The following CAMKMT variants were observed in gnomAD, a reference collection of about 807,000 sequenced individuals.
CAMKMT encodes calmodulin-lysine N-methyltransferase, also known as CaM KMT.
A neutral mutation model predicts 48.0 loss-of-function variants in CAMKMT; 53 were observed. The observed-to-expected ratio is 1.10, with a 90% CI of 0.89 to 1.39. The LOEUF (loss-of-function observed/expected upper bound fraction) is 1.39. CAMKMT is among the 40% of genes most tolerant of loss of function. The pLI, the probability that CAMKMT is intolerant of heterozygous loss-of-function variation, is 0.00. For synonymous variants in CAMKMT, 165 were observed against 152.3 expected (o/e 1.08, Z -0.61); for missense variants, 428 against 402.7 (o/e 1.06, Z -0.54).
intron 3 of CAMKMT, among the ~76,000 whole-genome samples, chr2:44,587,269 T>G (rs548322544): frequency 2.2e-3 from 334 of 152,342 alleles, no homozygotes; most frequent in African/African-American, 7.5e-3. Context: ...TTCTAATCAA[T>G]GGACATGGCA....
rs558087990 is a variant in CAMKMT, at chr2:44,655,850, C to T, written c.377-48433C>T. The stretch of plus-strand genomic sequence containing the variant: ...TATCTTTTTGCATTCAATTTAATGG[C>T]CTTGGAATCTGGAGAAGCCAGTAGG... On this transcript the variant is annotated intron_variant, in intron 3 of 10. Coordinates refer to ENST00000378494, the MANE Select transcript of CAMKMT (RefSeq NM_024766.5). 7.2e-5 allele frequency among the ~76,000 whole-genome samples: 11 copies of T among 152,202 alleles called. No individual in the cohort carries two copies. In the South Asian group the frequency reaches 2.3e-3, roughly 32 times the overall value.
intron 3 of CAMKMT, among the ~76,000 whole-genome samples, chr2:44,626,177 T>C (rs1198922616): frequency 6.6e-6 from 1 of 152,192 alleles, no homozygotes; most frequent in Non-Finnish European, 1.5e-5. Context: ...CTCCATTTAT[T>C]TAGGTCTTCT....
chr2:44,560,602 A>G (rs1558703493), intron 3 of CAMKMT, among the ~76,000 whole-genome samples: 4 of 152,152 alleles, frequency 2.6e-5, no homozygotes. Flanking sequence ...AGACTGATTG[A>G]CCAGTCTAAA....
chr2:44,686,970 G>A (rs1676372496), intron 3 of CAMKMT, among the ~76,000 whole-genome samples: 1 of 152,186 alleles, frequency 6.6e-6, no homozygotes, highest in Non-Finnish European at 1.5e-5. Flanking sequence ...TATTAAGCTT[G>A]CTGCATGGTG....
chr2:44,362,092 G>T lies in CAMKMT; in HGVS notation c.85G>T (p.Gly29Trp). The T allele has an allele frequency of 1.4e-6, 2 of 1,462,846 alleles. No homozygotes were observed. Among genetic ancestry groups the T allele is most frequent in the Non-Finnish European group, 8.9e-7 (1 of 1,118,056 alleles). 90.6% of individuals were successfully genotyped at this position (1,462,846 alleles called of 1,614,324 possible). ...TCCGGCAGTTGGCTGCACCACTCGG[G>T]GGCCCGTAGTCTCGGCGCCCCTGGG... Reference protein sequence around the residue: ...GSPAVGCTTRGPVVSAPLGAA... With the variant: ...GSPAVGCTTRWPVVSAPLGAA... Residue 29 changes from glycine (G) to tryptophan (W), a missense_variant, in exon 1 of 11, where the codon GGG becomes TGG. By Grantham distance (184) the Gly-to-Trp change is radical. Coordinates refer to ENST00000378494, the MANE Select transcript of CAMKMT (RefSeq NM_024766.5).
chr2:44,544,073 G>A (rs1043518926), intron 3 of CAMKMT, among the ~76,000 whole-genome samples: 2 of 152,008 alleles, frequency 1.3e-5, no homozygotes, highest in African/African-American at 2.4e-5. Context: ...TGAAAAAGAC[G>A]TTTTTGAGTA....
chr2:44,377,282 C>T (rs1048822387), intron 2 of CAMKMT, among the ~76,000 whole-genome samples: 3 of 152,166 alleles, frequency 2.0e-5, no homozygotes, highest in Non-Finnish European at 4.4e-5. Flanking sequence ...GCTGGGATTA[C>T]AGGCGTAAGC....
At chr2:44,752,171 A>G (rs1299644795) in intron 8 of CAMKMT, among the ~76,000 whole-genome samples, 1 of 152,048 alleles carries the variant, frequency 6.6e-6, no homozygotes, top group Non-Finnish European at 1.5e-5. Context: ...AGTACTGTTC[A>G]GATTTCAGAG....
intron 3 of CAMKMT, among the ~76,000 whole-genome samples, chr2:44,483,525 C>T (rs1190974983): frequency 6.6e-6 from 1 of 152,042 alleles, no homozygotes; most frequent in South Asian, 2.1e-4. Flanking sequence ...GATGGCATAA[C>T]CCAAACTGGT....
intron 3 of CAMKMT, among the ~76,000 whole-genome samples, chr2:44,650,982 A>G (rs1401798047): frequency 6.6e-6 from 1 of 152,248 alleles, no homozygotes; most frequent in Non-Finnish European, 1.5e-5. Flanking sequence ...GCCAATCTAA[A>G]AACACCAGGT....
chr2:44,583,976 C>T (rs1669711803), intron 3 of CAMKMT, among the ~76,000 whole-genome samples: 1 of 151,796 alleles, frequency 6.6e-6, no homozygotes, highest in African/African-American at 2.4e-5. Context: ...GTATACATAC[C>T]CACACATCCC....
At chr2:44,398,819 T>C (rs1067335) in intron 3 of CAMKMT, among the ~76,000 whole-genome samples, 113,598 of 152,052 alleles carry the variant, frequency 0.75, 43,494 homozygotes, top group African/African-American at 0.88. Context: ...ATATGAACTG[T>C]GTATATTGCA....
intron 3 of CAMKMT, among the ~76,000 whole-genome samples, chr2:44,575,477 C>T (rs1349274021): frequency 7.9e-5 from 12 of 152,108 alleles, no homozygotes. Context: ...ATAAATATTC[C>T]TAAGATTTTT....
At chr2:44,625,710 G>A (rs78760220) in intron 3 of CAMKMT, among the ~76,000 whole-genome samples, 3 of 151,966 alleles carry the variant, frequency 2.0e-5, no homozygotes, top group Non-Finnish European at 2.9e-5. Context: ...AAGGGTCGAG[G>A]TTCATTTTTT....
At chr2:44,553,369 T>G (rs1268188958) in intron 3 of CAMKMT, among the ~76,000 whole-genome samples, 1 of 151,290 alleles carries the variant, frequency 6.6e-6, no homozygotes, top group East Asian at 1.9e-4. Context: ...AGACACTTTT[T>G]TTTTTTTTTT....
chr2:44,536,693 C>A (rs1402603996), intron 3 of CAMKMT, among the ~76,000 whole-genome samples: 1 of 152,004 alleles, frequency 6.6e-6, no homozygotes, highest in Non-Finnish European at 1.5e-5. Context: ...CAAAAAAGAG[C>A]CTGAATAGGC....
intron 3 of CAMKMT, among the ~76,000 whole-genome samples, chr2:44,625,434 G>C (rs1041216168): frequency 7.9e-5 from 12 of 152,006 alleles, no homozygotes; most frequent in Non-Finnish European, 1.8e-4. Context: ...TTAAATGTAA[G>C]TATTGCAGAT....
intron 3 of CAMKMT, among the ~76,000 whole-genome samples, chr2:44,479,812 T>G (rs773193876): frequency 6.6e-6 from 1 of 152,246 alleles, no homozygotes; most frequent in Non-Finnish European, 1.5e-5. Flanking sequence ...ATCTTTCTTT[T>G]AAGTTCCATT....
chr2:44,709,044 A>T (rs778700073), intron 6 of CAMKMT, among the ~76,000 whole-genome samples: 7 of 152,172 alleles, frequency 4.6e-5, no homozygotes, highest in African/African-American at 1.7e-4. Flanking sequence ...GCTTCCAAAG[A>T]AGGGAAGCAA....
Sources: gnomAD v4.1 joint callset for allele counts (sites outside exome capture counted in the v4.1 genomes callset) on GRCh38, gnomAD v4.1.1 for gene constraint, MANE v1.5 for transcripts, NCBI Gene and HGNC (gene_info 2026-07-23, HGNC 2026-07-21) for gene names.